Variants in SUPT3H observed in about 807,000 individuals in gnomAD.
The protein encoded by SUPT3H is SPT3 homolog, SAGA and STAGA complex component.
SUPT3H carries 44 observed loss-of-function variants against 44.3 expected under a neutral mutation model. The observed-to-expected ratio is 0.99, with a 90% CI of 0.78 to 1.28. SUPT3H has a LOEUF of 1.28. SUPT3H is among the 50% of genes most tolerant of loss of function. SUPT3H has a pLI of 0.00. For missense variants in SUPT3H, 380 were observed against 387.1 expected (o/e 0.98, Z 0.15); for synonymous variants, 124 against 125.6 (o/e 0.99, Z 0.09).
At chr6:45,107,898 G>A (rs1799500734) in intron 2 of SUPT3H, among the ~76,000 whole-genome samples, 1 of 152,134 alleles carries the variant, frequency 6.6e-6, no homozygotes, top group South Asian at 2.1e-4. Flanking sequence ...AAAGAGAAAT[G>A]AGAAGTATAT....
At chr6:44,989,741 C>G (rs1780339478) in intron 6 of SUPT3H, among the ~76,000 whole-genome samples, 1 of 152,034 alleles carries the variant, frequency 6.6e-6, no homozygotes, top group Non-Finnish European at 1.5e-5. Flanking sequence ...TTGCATTTCC[C>G]TGATGATTAG....
intron 6 of SUPT3H, among the ~76,000 whole-genome samples, chr6:44,963,246 C>G (rs1345187560): frequency 6.6e-6 from 1 of 152,120 alleles, no homozygotes; most frequent in Non-Finnish European, 1.5e-5. Flanking sequence ...CGCCTGTAAT[C>G]CCAGCACTTG....
intron 3 of SUPT3H, among the ~76,000 whole-genome samples, chr6:45,103,643 G>C (rs1238515984): frequency 6.6e-6 from 1 of 152,036 alleles, no homozygotes; most frequent in Non-Finnish European, 1.5e-5. Context: ...GAAGAAAAAG[G>C]GGCAGAAAAA....
chr6:45,022,294 C>G (rs531481687), intron 3 of SUPT3H, among the ~76,000 whole-genome samples: 6 of 152,060 alleles, frequency 3.9e-5, no homozygotes, highest in Non-Finnish European at 4.4e-5. Context: ...TTTATGCACA[C>G]TACATATAAA....
At chr6:44,891,531 A>C (rs903161733) in intron 10 of SUPT3H, among the ~76,000 whole-genome samples, 4 of 152,156 alleles carry the variant, frequency 2.6e-5, no homozygotes, top group African/African-American at 9.6e-5. Context: ...CATTTATATG[A>C]TGTATCTAGA....
intron 2 of SUPT3H, among the ~76,000 whole-genome samples, chr6:45,245,602 A>G (rs956441975): frequency 1.3e-5 from 2 of 152,186 alleles, no homozygotes; most frequent in African/African-American, 4.8e-5. Context: ...CCATGACGCA[A>G]GAAGTTCAAA....
intron 3 of SUPT3H, among the ~76,000 whole-genome samples, chr6:45,043,108 C>T (rs1229840417): frequency 6.7e-6 from 1 of 150,154 alleles, no homozygotes; most frequent in Non-Finnish European, 1.5e-5. Flanking sequence ...AAGAAGTACA[C>T]TTTTCTGGGA....
At position 45,020,552 on chromosome 6, in the gene SUPT3H, T is replaced by C. The variant is rs1446456211; in HGVS notation, c.267A>G (p.Lys89=). 1 of 1,610,308 alleles carries C rather than the reference T, an allele frequency of 6.2e-7. No individual in the cohort carries two copies. Among genetic ancestry groups the C allele is most frequent in the African/African-American group, 1.3e-5 (1 of 74,920 alleles). The change falls in exon 4 of 11, where the codon AAA becomes AAG. Residue 89 remains lysine, a synonymous_variant. Transcript: ENST00000371459. ...TAAAATTATGTTATATTACCTTATC[T>C]TTGCGCATCAAAAACAGAAGATCTT... ...TPEDLLFLMR[K]DKKKLRRLLK...
chr6:44,843,384 T>C (rs1016436233), intron 10 of SUPT3H, among the ~76,000 whole-genome samples: 4 of 152,124 alleles, frequency 2.6e-5, no homozygotes, highest in Admixed American at 6.5e-5. Context: ...TATTTCACCA[T>C]TAATACCAGC....
At chr6:45,251,467 T>A (rs1772366939) in intron 2 of SUPT3H, among the ~76,000 whole-genome samples, 1 of 150,810 alleles carries the variant, frequency 6.6e-6, no homozygotes, top group Admixed American at 6.6e-5. Context: ...AAAGTAAGAC[T>A]GAAAATTTGC....
chr6:45,228,712 A>G (rs1190633335), intron 2 of SUPT3H, among the ~76,000 whole-genome samples: 1 of 152,144 alleles, frequency 6.6e-6, no homozygotes, highest in East Asian at 1.9e-4. Flanking sequence ...GCAGTGGCAC[A>G]GTCTCGGCTC....
intron 2 of SUPT3H, among the ~76,000 whole-genome samples, chr6:45,324,663 G>A (rs996003308): frequency 1.1e-4 from 16 of 151,730 alleles, no homozygotes; most frequent in Admixed American, 9.9e-4. Flanking sequence ...AGGAGAGATT[G>A]ACTTAGCATT....
At chr6:45,201,890 TG>T (rs1762508316) in intron 2 of SUPT3H, among the ~76,000 whole-genome samples, 1 of 151,932 alleles carries the variant, frequency 6.6e-6, no homozygotes, top group Non-Finnish European at 1.5e-5. Context: ...AGTTTTATAT[TG>T]TTCTGCTTAA....
rs1223784615 is a variant in SUPT3H at position 44,828,472 on chromosome 6, G to C, written c.*1344C>G. On this transcript the variant is annotated 3_prime_UTR_variant, in exon 11 of 11. Coordinates refer to ENST00000371459, the MANE Select transcript of SUPT3H (RefSeq NM_003599.4). ...TTAACTGAGCCTCATAATTCTTTGAGTCTGATGGTTTTCAAATAAAAAGTC... is the reference window on the plus strand; with the variant it reads ...TTAACTGAGCCTCATAATTCTTTGACTCTGATGGTTTTCAAATAAAAAGTC... 6.6e-6 allele frequency among the ~76,000 whole-genome samples: 1 copy of C among 152,144 alleles called. No homozygotes were observed. Among genetic ancestry groups the C allele is most frequent in the Non-Finnish European group, 1.5e-5 (1 of 68,002 alleles).
intron 10 of SUPT3H, among the ~76,000 whole-genome samples, chr6:44,877,286 G>T (rs1168641712): frequency 6.6e-6 from 1 of 152,084 alleles, no homozygotes; most frequent in African/African-American, 2.4e-5. Flanking sequence ...GGTCAACATG[G>T]TGAAACCCTG....
intron 9 of SUPT3H, among the ~76,000 whole-genome samples, chr6:44,940,456 A>G (rs1772215757): frequency 6.6e-6 from 1 of 152,068 alleles, no homozygotes; most frequent in Non-Finnish European, 1.5e-5. Flanking sequence ...CTAACATGTG[A>G]TATCTATCTT....
At chr6:45,288,545 G>GTGTATATATATATATATA (rs1779699999) in intron 2 of SUPT3H, among the ~76,000 whole-genome samples, 1 of 48,552 alleles carries the variant, frequency 2.1e-5, no homozygotes, top group Non-Finnish European at 4.1e-5. Context: ...GTGTGTGTGT[G>GTGTATATATATATATATA]TGTATATATA....
At chr6:45,146,729 A>C (rs1806142607) in intron 2 of SUPT3H, among the ~76,000 whole-genome samples, 1 of 152,116 alleles carries the variant, frequency 6.6e-6, no homozygotes, top group Non-Finnish European at 1.5e-5. Context: ...AAATTGGGTG[A>C]AGTAGATTAG....
intron 2 of SUPT3H, among the ~76,000 whole-genome samples, chr6:45,353,302 T>C (rs960561984): frequency 2.0e-5 from 3 of 151,976 alleles, no homozygotes; most frequent in Non-Finnish European, 2.9e-5. Context: ...TTCCTAAAAA[T>C]TCATCTGGAA....
Sources: allele counts gnomAD v4.1 joint callset (sites outside exome capture counted in the v4.1 genomes callset), GRCh38; gene constraint gnomAD v4.1.1; transcripts MANE v1.5; gene names NCBI Gene and HGNC (gene_info 2026-07-23, HGNC 2026-07-21).